Variants in FMN2 observed in about 807,000 individuals in gnomAD.
FMN2 encodes formin 2, also known as formin-2.
In FMN2, 51 loss-of-function variants were observed where a neutral mutation model predicts 142.3. The ratio of observed to expected loss-of-function variants is 0.36; its 90% CI spans 0.29 to 0.45. FMN2 has a LOEUF of 0.45. Ranked by LOEUF, FMN2 falls within the 20% of genes least tolerant of loss-of-function variation. The pLI is 1.00. For missense variants in FMN2, 1,936 were observed against 2,122.8 expected (o/e 0.91, Z 1.73); for synonymous variants, 882 against 869.8 (o/e 1.01, Z -0.25).
intron 4 of FMN2, among the ~76,000 whole-genome samples, chr1:240,205,728 TG>T (rs1387279285): frequency 6.6e-6 from 1 of 152,024 alleles, no homozygotes; most frequent in African/African-American, 2.4e-5. Context: ...CCCAAAGTGC[TG>T]GGATTACAGG....
intron 15 of FMN2, among the ~76,000 whole-genome samples, chr1:240,435,222 GA>G (rs1675325675): frequency 6.7e-6 from 1 of 148,572 alleles, no homozygotes; most frequent in Non-Finnish European, 1.5e-5. Flanking sequence ...TAATCTTCAT[GA>G]CAACCTTGAA....
rs58002724 is a variant in FMN2, at chr1:240,355,951, C to CAAAAAAAAA, written c.4858+70_4858+78dup. On this transcript the variant is annotated intron_variant, in intron 14 of 17. Transcript: ENST00000319653. The stretch of plus-strand genomic sequence containing the variant: ...GTGTTATGTTTTTCTCCCCTTTCAG[C>CAAAAAAAAA]AAAAAAAAAAAAAAAAAAAAAAAAA... 120 of 252,806 alleles carry CAAAAAAAAA rather than the reference C, an allele frequency of 4.7e-4. 3 individuals carry two copies. The highest frequency in any genetic ancestry group is 6.7e-4 in the Admixed American group (12 of 17,988). 15.7% of individuals were successfully genotyped at this position (252,806 alleles called of 1,614,324 possible). A position where few individuals can be genotyped will look rare whatever the true frequency, so the allele number is the denominator to read the frequency against.
rs561512687 is a variant in FMN2 at position 240,427,544 on chromosome 1, G to A, written c.4911-10517G>A. Among the ~76,000 whole-genome samples, 6 of 152,276 alleles carry A rather than the reference G, an allele frequency of 3.9e-5. No homozygotes were observed. In the South Asian group the frequency reaches 1.2e-3, roughly 32 times the overall value. On this transcript the variant is annotated intron_variant, in intron 15 of 17. Coordinates refer to ENST00000319653, the MANE Select transcript of FMN2 (RefSeq NM_020066.5). Reference sequence around the variant, plus strand: ...TTTGGTTACAGTTTGTTTTGAGCAGGATATAGAGAAACGCCAACCATTATA... The same window carrying A: ...TTTGGTTACAGTTTGTTTTGAGCAGAATATAGAGAAACGCCAACCATTATA...
chr1:240,382,867 C>T (rs1673277969), intron 14 of FMN2, among the ~76,000 whole-genome samples: 1 of 151,930 alleles, frequency 6.6e-6, no homozygotes, highest in African/African-American at 2.4e-5. Flanking sequence ...AATTGTACCA[C>T]AAGACTATAG....
chr1:240,254,685 G>A (rs1668393175), intron 6 of FMN2, among the ~76,000 whole-genome samples: 1 of 152,096 alleles, frequency 6.6e-6, no homozygotes, highest in Non-Finnish European at 1.5e-5. Flanking sequence ...TTGTGCTGTG[G>A]CTCCATATGG....
Position 240,206,830 on chromosome 1 carries a change from C to T in FMN2, c.2018C>T (p.Ala673Val). 1 of 1,613,582 alleles carries T rather than the reference C, an allele frequency of 6.2e-7. No individual in the cohort carries two copies. Among genetic ancestry groups the T allele is most frequent in the Non-Finnish European group, 8.5e-7 (1 of 1,179,586 alleles). The change falls in exon 5 of 18, where the codon GCC (alanine) becomes GTC (valine). Residue 673 changes from alanine to valine, a missense_variant. Coordinates refer to ENST00000319653, the MANE Select transcript of FMN2 (RefSeq NM_020066.5). Reference protein sequence around the residue: ...EVVDMKSEGQATVIQQLEQTI... With the variant: ...EVVDMKSEGQVTVIQQLEQTI... The stretch of plus-strand genomic sequence containing the variant: ...GTTGACATGAAGTCTGAGGGACAGG[C>T]CACTGTAATTCAGCAGCTGGAACAG...
intron 2 of FMN2, among the ~76,000 whole-genome samples, chr1:240,136,069 A>T (rs149253918): frequency 6.6e-6 from 1 of 151,920 alleles, no homozygotes; most frequent in African/African-American, 2.4e-5. Flanking sequence ...AGTAATCAGT[A>T]ACCAAGTTTT....
chr1:240,427,375 T>C (rs1040865163), intron 15 of FMN2, among the ~76,000 whole-genome samples: 2 of 151,828 alleles, frequency 1.3e-5, no homozygotes, highest in Admixed American at 6.6e-5. Context: ...CCAGCTAATT[T>C]TTTGTGTTTT....
At chr1:240,253,990 G>C (rs773149408) in intron 6 of FMN2, among the ~76,000 whole-genome samples, 1 of 152,148 alleles carries the variant, frequency 6.6e-6, no homozygotes, top group South Asian at 2.1e-4. Flanking sequence ...GGTGCTTGAG[G>C]TGGCAGTGGC....
intron 6 of FMN2, among the ~76,000 whole-genome samples, chr1:240,253,092 A>G (rs1668337819): frequency 6.6e-6 from 1 of 151,198 alleles, no homozygotes; most frequent in Admixed American, 6.6e-5. Context: ...AGCTGGGATT[A>G]CAGGCATGCA....
At chr1:240,268,728 T>A (rs1668895541) in intron 7 of FMN2, among the ~76,000 whole-genome samples, 1 of 152,072 alleles carries the variant, frequency 6.6e-6, no homozygotes, top group African/African-American at 2.4e-5. Context: ...CATCTTTTTT[T>A]GCTGATGGCC....
chr1:240,327,508 G>A (rs563640489), intron 8 of FMN2, among the ~76,000 whole-genome samples: 1 of 152,118 alleles, frequency 6.6e-6, no homozygotes, highest in South Asian at 2.1e-4. Flanking sequence ...AAATAATATT[G>A]AAAGAATATT....
chr1:240,294,660 C>T (rs1054432003), intron 7 of FMN2, among the ~76,000 whole-genome samples, 162 bp from the exon 8 acceptor site: 3 of 152,152 alleles, frequency 2.0e-5, no homozygotes, highest in South Asian at 2.1e-4. Context: ...CCTGGCCCAG[C>T]GAAATTCCTG....
chr1:240,246,475 T>C (rs895066561), intron 6 of FMN2, among the ~76,000 whole-genome samples: 3 of 152,192 alleles, frequency 2.0e-5, no homozygotes, highest in Admixed American at 6.5e-5. Flanking sequence ...GATACTGTTT[T>C]AATCATTTTT....
At chr1:240,161,941 A>G (rs1664298084) in intron 2 of FMN2, among the ~76,000 whole-genome samples, 1 of 152,058 alleles carries the variant, frequency 6.6e-6, no homozygotes, top group South Asian at 2.1e-4. Flanking sequence ...TACCCTGGCT[A>G]TAGAGGAAAA....
At chr1:240,262,297 A>C (rs1459527779) in intron 7 of FMN2, among the ~76,000 whole-genome samples, 1 of 152,000 alleles carries the variant, frequency 6.6e-6, no homozygotes, top group Non-Finnish European at 1.5e-5. Flanking sequence ...TGTGAGCTGG[A>C]TCACTTCTCT....
intron 13 of FMN2, among the ~76,000 whole-genome samples, chr1:240,336,486 T>C (rs1671559109): frequency 6.8e-6 from 1 of 146,558 alleles, no homozygotes; most frequent in Non-Finnish European, 1.5e-5. Context: ...GATAGAATTG[T>C]TGAAATGGGG....
intron 16 of FMN2, chr1:240,459,283 T>C (rs1676356477): frequency 6.6e-6 from 1 of 152,076 alleles, no homozygotes; most frequent in Non-Finnish European, 1.5e-5. Flanking sequence ...CAAAATGGAG[T>C]GTGAACCTTG....
chr1:240,192,840 ATT>A (rs34381897), intron 4 of FMN2, among the ~76,000 whole-genome samples: 34,448 of 149,770 alleles, frequency 0.23, 4,089 homozygotes, highest in Middle Eastern at 0.33. Context: ...GAAAGAAAGG[ATT>A]TTTTTTTTTT....
Sources: gnomAD v4.1 joint callset for allele counts (sites outside exome capture counted in the v4.1 genomes callset) on GRCh38, gnomAD v4.1.1 for gene constraint, MANE v1.5 for transcripts, NCBI Gene and HGNC (gene_info 2026-07-23, HGNC 2026-07-21) for gene names.